The following MLH3 variants were observed in gnomAD, a reference collection of about 807,000 sequenced individuals.
MLH3 encodes the protein DNA mismatch repair protein Mlh3.
In MLH3, 82 loss-of-function variants were observed where a neutral mutation model predicts 122.2. That is an observed-to-expected ratio of 0.67 (90% CI 0.56 to 0.81). MLH3 has a LOEUF of 0.81. Ranked by LOEUF, MLH3 falls within the 30% of genes least tolerant of loss-of-function variation. The pLI is 0.00. For missense variants in MLH3, 1,539 were observed against 1,714.5 expected, an observed-to-expected ratio of 0.90 and a Z score of 1.81; for synonymous variants, 524 against 599.5, an observed-to-expected ratio of 0.87 and a Z score of 1.84.
At position 75,047,882 on chromosome 14, in the gene MLH3, T is replaced by C; in HGVS notation, c.1774A>G (p.Arg592Gly). ...CGCCCATAACTAAAAACATTTCTTC[T>C]TCCACAATTGCTAGATTCTTTTTTT... ...EKKKESSNCG[R>G]RNVFSYGRVK... The change falls in exon 2 of 13, where the codon AGA becomes GGA. Residue 592 changes from arginine to glycine, a missense_variant. Arg to Gly is a moderately radical substitution (Grantham distance 125, BLOSUM62 -2). Coordinates refer to ENST00000355774, the MANE Select transcript of MLH3 (RefSeq NM_001040108.2). 5 of 1,613,440 alleles carry C rather than the reference T, an allele frequency of 3.1e-6. No individual in the cohort carries two copies. The highest frequency in any genetic ancestry group is 4.2e-6 in the Non-Finnish European group (5 of 1,179,842).
intron 6 of MLH3, 25 bp downstream of exon 6, chr14:75,038,315 C>G: frequency 6.4e-7 from 1 of 1,561,066 alleles, no homozygotes; most frequent in Non-Finnish European, 8.8e-7. Context: ...GCTGGTTAAT[C>G]ATTCAGGCTA....
chr14:75,031,046 A>G (rs111912721), intron 8 of MLH3, among the ~76,000 whole-genome samples: 246 of 152,348 alleles, frequency 1.6e-3, no homozygotes, highest in African/African-American at 5.7e-3. Context: ...GATTTGAATC[A>G]GCATTAAAGC....
rs775531735 is a variant in MLH3 at position 75,049,174 on chromosome 14, CA to C, written c.481del (p.Cys161AlafsTer15). 1 of 1,614,204 alleles carries C rather than the reference CA, an allele frequency of 6.2e-7. No individual in the cohort carries two copies. The highest frequency in any genetic ancestry group is 8.5e-7 in the Non-Finnish European group (1 of 1,180,030). On this transcript the variant is annotated frameshift_variant, in exon 2 of 13. Coordinates refer to ENST00000355774, the MANE Select transcript of MLH3 (RefSeq NM_001040108.2). LOFTEE classifies it high-confidence loss of function. ...CTCAAACTCCAGTCTAGGGTCCATG[CA>C]TTTCCTCCTTACAGGAAGCTGGTAA... ...LFYQLPVRRK[C>X]MDPRLEFEKV...
rs964651295 is a variant in MLH3 at position 75,049,580 on chromosome 14, C to T, written c.76G>A (p.Val26Ile). ...ATACTGTTGAGGGCAAGTTCCTCAA[C>T]ACATTGGCCCAAGGAGCTTATGGCC... is the stretch of plus-strand genomic sequence containing the variant. ...GLAISSLGQC[V>I]EELALNSIDA... is the part of the protein sequence containing the mutation. The change falls in exon 2 of 13, where the codon GTT (valine) becomes ATT (isoleucine). Residue 26 changes from valine to isoleucine, a missense_variant. Val to Ile is a conservative substitution (Grantham distance 29). Coordinates refer to ENST00000355774, the MANE Select transcript of MLH3 (RefSeq NM_001040108.2). 6.2e-7 allele frequency: 1 copy of T among 1,614,206 alleles called. No homozygotes were observed. Among genetic ancestry groups the T allele is most frequent in the Non-Finnish European group, 8.5e-7 (1 of 1,180,028 alleles).
At chr14:75,021,288 C>T (rs72734274) in intron 11 of MLH3, among the ~76,000 whole-genome samples, 3,096 of 152,286 alleles carry the variant, frequency 0.02, 53 homozygotes, top group Middle Eastern at 0.078. Context: ...TGCAATAAAA[C>T]GAAAATTGAC....
chr14:75,019,131 G>A, intron 11 of MLH3, 151 bp from the exon 12 acceptor site: 1 of 727,464 alleles, frequency 1.4e-6, no homozygotes, highest in Non-Finnish European at 2.3e-6. Context: ...GTGCTTATAG[G>A]CCGGGCATGG....
chr14:75,045,030 C>T (rs1479806115), intron 2 of MLH3, among the ~76,000 whole-genome samples: 3 of 152,106 alleles, frequency 2.0e-5, no homozygotes, highest in South Asian at 2.1e-4. Flanking sequence ...CCCTGTGGTA[C>T]GATCTAAAAG....
At chr14:75,042,233 T>A in intron 3 of MLH3, 146 bp downstream of exon 3, 1 of 746,946 alleles carries the variant, frequency 1.3e-6, no homozygotes, top group Non-Finnish European at 2.4e-6. Flanking sequence ...AATTAATTAG[T>A]TCCGCTGTTA....
chr14:75,027,688 A>AAAAAAAAAAAAAAAAAC (rs1566580542), intron 9 of MLH3, among the ~76,000 whole-genome samples: 1 of 134,546 alleles, frequency 7.4e-6, no homozygotes, highest in African/African-American at 2.7e-5. Flanking sequence ...AAAAAAAAAA[A>AAAAAAAAAAAAAAAAAC]AAAAAACCCA....
At position 75,047,856 on chromosome 14, in the gene MLH3, T is replaced by G. The variant is rs746525595; in HGVS notation, c.1800A>C (p.Arg600=). The part of the protein sequence containing the change: ...CGRRNVFSYG[R]VKLCSTGFIT... ...TAAAGCCAGTGGAACATAATTTAACTCGCCCATAACTAAAAACATTTCTTC... is the reference window on the plus strand; with the variant it reads ...TAAAGCCAGTGGAACATAATTTAACGCGCCCATAACTAAAAACATTTCTTC... The change falls in exon 2 of 13, where the codon CGA becomes CGC. Residue 600 remains arginine, a synonymous_variant. Coordinates refer to ENST00000355774, the MANE Select transcript of MLH3 (RefSeq NM_001040108.2). 1.2e-6 allele frequency: 2 copies of G among 1,613,116 alleles called. No homozygotes were observed. Among genetic ancestry groups the G allele is most frequent in the Non-Finnish European group, 1.7e-6 (2 of 1,179,798 alleles).
chr14:75,034,661 G>C (rs757218320), intron 6 of MLH3, among the ~76,000 whole-genome samples: 25 of 151,818 alleles, frequency 1.6e-4, no homozygotes, highest in Admixed American at 5.2e-4. Context: ...CCATCTCCCT[G>C]GCTGTACAGA....
chr14:75,042,274 T>G, intron 3 of MLH3, 105 bp downstream of exon 3: 4 of 943,820 alleles, frequency 4.2e-6, no homozygotes, highest in South Asian at 2.6e-5. Flanking sequence ...CTGATTCCAG[T>G]ACAGCACAGC....
intron 9 of MLH3, 100 bp downstream of exon 9, chr14:75,030,443 G>C (rs563241590): frequency 1.6e-6 from 2 of 1,218,188 alleles, no homozygotes. Flanking sequence ...TAAATACCAT[G>C]AATACTTGTT....
chr14:75,025,909 T>C (rs542039312), intron 9 of MLH3, among the ~76,000 whole-genome samples: 1 of 152,300 alleles, frequency 6.6e-6, no homozygotes, highest in Admixed American at 6.5e-5. Flanking sequence ...TCAGAATCAC[T>C]GTTGCTTTTG....
rs1250130115 is a variant in MLH3 at position 75,017,161 on chromosome 14, G to C, written c.4283C>G (p.Ala1428Gly). 1 of 1,612,610 alleles carries C rather than the reference G, an allele frequency of 6.2e-7. No homozygotes were observed. The highest frequency in any genetic ancestry group is 2.2e-5 in the East Asian group (1 of 44,876). Residue 1428 changes from alanine to glycine, a missense_variant, in exon 13 of 13, where the codon GCC becomes GGC. Transcript: ENST00000355774. ...CTCTGCTTTTCCAAAGAGACGCCAG[G>C]CCTGGGCCATTTTGCGAAGTTTAGT... ...NLTKLRKMAQAWRLFGKAECD... is the reference protein window; with the variant it reads ...NLTKLRKMAQGWRLFGKAECD...
rs1889930562 is a variant in MLH3, at chr14:75,017,087, G to A, written c.4357C>T (p.Pro1453Ser). Residue 1453 changes from proline to serine, a missense_variant, in exon 13 of 13, where the codon CCA becomes TCA. Coordinates refer to ENST00000355774, the MANE Select transcript of MLH3 (RefSeq NM_001040108.2). ...TTAGACCAGTGATTCTGTTCTCATG[G>A]TGGCTCACAGGGAGGCATGGATTGC... ...LQQSMPPCEP[P>S] is the part of the protein sequence containing the mutation. 2 of 1,613,750 alleles carry A rather than the reference G, an allele frequency of 1.2e-6. No homozygotes were observed. Among genetic ancestry groups the A allele is most frequent in the Non-Finnish European group, 1.7e-6 (2 of 1,179,860 alleles).
intron 9 of MLH3, among the ~76,000 whole-genome samples, chr14:75,028,031 A>AT (rs1454820037): frequency 6.6e-6 from 1 of 151,924 alleles, no homozygotes; most frequent in Non-Finnish European, 1.5e-5. Flanking sequence ...AAAAAAAAAA[A>AT]GAGAAATACA....
intron 9 of MLH3, among the ~76,000 whole-genome samples, chr14:75,028,453 T>C (rs1890804947): frequency 1.3e-5 from 2 of 149,586 alleles, no homozygotes; most frequent in South Asian, 4.3e-4. Context: ...AGTCTTACTG[T>C]GTCACTCAGG....
At chr14:75,044,344 G>A (rs1315271394) in intron 2 of MLH3, among the ~76,000 whole-genome samples, 6 of 152,192 alleles carry the variant, frequency 3.9e-5, no homozygotes, top group African/African-American at 9.7e-5. Context: ...TGTTTTAAAC[G>A]TCTATATTCA....
Sources: allele counts gnomAD v4.1 joint callset (sites outside exome capture counted in the v4.1 genomes callset), GRCh38; gene constraint gnomAD v4.1.1; transcripts MANE v1.5; gene names NCBI Gene and HGNC (gene_info 2026-07-23, HGNC 2026-07-21).